Variants in FYCO1 observed in about 807,000 individuals in gnomAD.
FYCO1 encodes the protein FYVE and coiled-coil domain-containing protein 1.
In FYCO1, 122 loss-of-function variants were observed where a neutral mutation model predicts 165.1. That is an observed-to-expected ratio of 0.74 (90% CI 0.64 to 0.86). FYCO1 has a LOEUF of 0.86. Ranked by LOEUF, FYCO1 falls within the 40% of genes least tolerant of loss-of-function variation. The pLI is 0.00. For missense variants in FYCO1, 1,702 were observed against 1,810.3 expected, an observed-to-expected ratio of 0.94 and a Z score of 1.09; for synonymous variants, 648 against 742.5, an observed-to-expected ratio of 0.87 and a Z score of 2.07.
chr3:45,965,652 C>G (rs775160673), intron 8 of FYCO1, among the ~76,000 whole-genome samples: 5 of 152,246 alleles, frequency 3.3e-5, no homozygotes, highest in African/African-American at 1.2e-4. Flanking sequence ...ATGAAGTGAG[C>G]TTGTTCCCTT....
At chr3:45,943,790 T>C (rs1252546153) in intron 14 of FYCO1, among the ~76,000 whole-genome samples, 1 of 152,208 alleles carries the variant, frequency 6.6e-6, no homozygotes, top group Admixed American at 6.5e-5. Context: ...ATGGTACTGC[T>C]AGTAATGGCA....
At chr3:45,966,182 T>A (rs1299324612) in intron 8 of FYCO1, 95 bp downstream of exon 8, 3 of 1,331,902 alleles carry the variant, frequency 2.3e-6, no homozygotes, top group Non-Finnish European at 3.2e-6. Flanking sequence ...TCTCCAGCCC[T>A]CACCTGCCTC....
At chr3:45,971,348 G>T (rs12330199) in intron 6 of FYCO1, among the ~76,000 whole-genome samples, 2,610 of 152,272 alleles carry the variant, frequency 0.017, 73 homozygotes, top group African/African-American at 0.057. Flanking sequence ...AGGCAAGAAT[G>T]ATCAAATGGT....
intron 2 of FYCO1, among the ~76,000 whole-genome samples, chr3:45,983,147 A>C (rs1707136557): frequency 6.6e-6 from 1 of 152,236 alleles, no homozygotes; most frequent in African/African-American, 2.4e-5. Flanking sequence ...CACATGAAGG[A>C]AGCAACTGTG....
At chr3:45,922,203 G>A (rs570028587) in intron 17 of FYCO1, among the ~76,000 whole-genome samples, 24 of 152,336 alleles carry the variant, frequency 1.6e-4, no homozygotes, top group African/African-American at 3.8e-4. Flanking sequence ...AGGCCAGCAC[G>A]GATTTTTTCC....
intron 1 of FYCO1, among the ~76,000 whole-genome samples, chr3:45,995,264 C>T (rs1326119159): frequency 6.6e-6 from 1 of 152,232 alleles, no homozygotes; most frequent in Non-Finnish European, 1.5e-5. Flanking sequence ...GGCAGAGATC[C>T]GAGCACCAGC....
intron 15 of FYCO1, among the ~76,000 whole-genome samples, chr3:45,935,679 T>C (rs966921765): frequency 2.6e-5 from 4 of 152,234 alleles, no homozygotes; most frequent in Admixed American, 2.0e-4. Context: ...TCTTTTTCCA[T>C]AGCAAGCACT....
intron 16 of FYCO1, among the ~76,000 whole-genome samples, chr3:45,925,363 G>A (rs996885077): frequency 3.3e-5 from 5 of 152,078 alleles, no homozygotes; most frequent in African/African-American, 1.2e-4. Context: ...GACAACGGAA[G>A]CAGCATCTTA....
chr3:45,927,845 C>T (rs1316107518), intron 16 of FYCO1, among the ~76,000 whole-genome samples: 1 of 152,242 alleles, frequency 6.6e-6, no homozygotes, highest in Non-Finnish European at 1.5e-5. Context: ...TGTGCCCACC[C>T]TGCACACCCT....
intron 14 of FYCO1, chr3:45,946,224 TCC>T: frequency 2.2e-6 from 1 of 455,010 alleles, no homozygotes; most frequent in African/African-American, 1.9e-5. Context: ...ATGAGTTGTC[TCC>T]CAGATGGGTG....
At chr3:45,986,103 T>C (rs1481240309) in intron 1 of FYCO1, among the ~76,000 whole-genome samples, 1 of 152,188 alleles carries the variant, frequency 6.6e-6, no homozygotes, top group African/African-American at 2.4e-5. Context: ...AAAATGATGC[T>C]CAGAGGAGTC....
Position 45,923,594 on chromosome 3 carries a change from C to T in FYCO1, c.4361+62G>A, listed in dbSNP as rs143574654. The T allele has an allele frequency of 4.6e-4, 473 of 1,023,096 alleles. No homozygotes were observed. In the African/African-American group the frequency reaches 5.4e-3, roughly 12 times the overall value. The allele number at this position is 1,023,096 out of a possible 1,614,324, so 63.4% of individuals were successfully genotyped here. On this transcript the variant is annotated intron_variant, in intron 17 of 17. Transcript: ENST00000296137. ...AATTGGTTTTGAGTGTCCACCTCTG[C>T]TCTTTAGAAGAGGTGAAAGAGAGGC...
rs867608722 is a variant in FYCO1, at chr3:45,921,593, C to T, written c.*172G>A. ...TCAACGCCTCGGGGGCTAAGAGTGG[C>T]CGGTGCAGAGTGCTGAGCACAAAGT... On this transcript the variant is annotated 3_prime_UTR_variant, in exon 18 of 18. Coordinates refer to ENST00000296137, the MANE Select transcript of FYCO1 (RefSeq NM_024513.4). 3.1e-6 allele frequency: 2 copies of T among 647,012 alleles called. No homozygotes were observed. The highest frequency in any genetic ancestry group is 5.7e-6 in the Non-Finnish European group (2 of 352,650). 40.1% of individuals were successfully genotyped at this position (647,012 alleles called of 1,614,324 possible). A position where few individuals can be genotyped will look rare whatever the true frequency, so the allele number is the denominator to read the frequency against.
At chr3:45,984,665 A>T in intron 2 of FYCO1, 191 bp downstream of exon 2, 1 of 689,728 alleles carries the variant, frequency 1.4e-6, no homozygotes, top group Non-Finnish European at 2.6e-6. Context: ...AAAGGAAACC[A>T]GGCAAGCTTT....
Position 45,920,600 on chromosome 3 carries a change from T to A in FYCO1, c.*1165A>T, listed in dbSNP as rs1235366949. ...TCTTGTCTGGGAATAGGGAACAGGA[T>A]CTCTCTGCCTCAAGGGGGGATGTCT... is the stretch of plus-strand genomic sequence containing the variant. On this transcript the variant is annotated 3_prime_UTR_variant, in exon 18 of 18. Transcript: ENST00000296137. The A allele has an allele frequency of 6.6e-6, 1 of 152,132 alleles. No homozygotes were observed. The highest frequency in any genetic ancestry group is 2.4e-5 in the African/African-American group (1 of 41,212). 9.4% of individuals were successfully genotyped at this position (152,132 alleles called of 1,614,324 possible).
chr3:45,958,458 C>T lies in FYCO1; in HGVS notation c.3749G>A (p.Ser1250Asn), dbSNP rs369848059. 11 of 1,613,172 alleles carry T rather than the reference C, an allele frequency of 6.8e-6. No homozygotes were observed. The highest frequency in any genetic ancestry group is 1.9e-4 in the Middle Eastern group (1 of 5,390). The stretch of plus-strand genomic sequence containing the variant: ...AGGTGAGGCTGGTGACAGTGCAGGG[C>T]TGGGCTCTCCCTGGCTAGTGCCTGA... ...SGSGTSQGEP[S>N]PALSPASPGP... Residue 1250 changes from serine to asparagine, a missense_variant, in exon 13 of 18, where the codon AGC becomes AAC. Ser to Asn is a conservative substitution (Grantham distance 46). Coordinates refer to ENST00000296137, the MANE Select transcript of FYCO1 (RefSeq NM_024513.4).
intron 14 of FYCO1, chr3:45,938,252 C>A: frequency 7.8e-7 from 1 of 1,288,932 alleles, no homozygotes; most frequent in African/African-American, 1.5e-5. Context: ...CCCCGACAGA[C>A]GCCCTGCATG....
chr3:45,933,236 A>G (rs183176199), intron 15 of FYCO1, among the ~76,000 whole-genome samples: 2 of 152,366 alleles, frequency 1.3e-5, no homozygotes, highest in Admixed American at 6.5e-5. Context: ...TTCAGTTTAC[A>G]TGAGTCAAGG....
At chr3:45,981,727 C>T (rs1381001561) in intron 2 of FYCO1, 51 bp from the exon 3 acceptor site, 7 of 1,251,880 alleles carry the variant, frequency 5.6e-6, no homozygotes, top group Admixed American at 1.7e-5. Flanking sequence ...TAAACTCAGA[C>T]AGAGAAGCAG....
Sources: gnomAD v4.1 joint callset for allele counts (sites outside exome capture counted in the v4.1 genomes callset) on GRCh38, gnomAD v4.1.1 for gene constraint, MANE v1.5 for transcripts, NCBI Gene and HGNC (gene_info 2026-07-23, HGNC 2026-07-21) for gene names.